Variants in NOTCH2 observed in about 807,000 individuals in gnomAD.
NOTCH2 encodes notch receptor 2, also known as neurogenic locus notch homolog protein 2.
In NOTCH2, 29 loss-of-function variants were observed where a neutral mutation model predicts 235.8. The ratio of observed to expected loss-of-function variants is 0.12; its 90% CI spans 0.09 to 0.17. The LOEUF is 0.17. Among genes scored for constraint, NOTCH2 ranks in the 10% least tolerant of loss-of-function variants. The pLI is 1.00. For synonymous variants in NOTCH2, 1,086 were observed against 1,141.5 expected (o/e 0.95, Z 0.98); for missense variants, 2,285 against 3,150.2 (o/e 0.73, Z 6.57).
chr1:119,918,629 G>A (rs1649168165), intron 31 of NOTCH2, 76 bp from the exon 32 acceptor site: 1 of 1,477,748 alleles, frequency 6.8e-7, no homozygotes, highest in Non-Finnish European at 9.4e-7. Flanking sequence ...AGAAACAAGG[G>A]CATCAGAGCT....
At chr1:119,925,918 C>T (rs1649458149) in intron 24 of NOTCH2, 108 bp from the exon 25 acceptor site, 30 of 1,305,196 alleles carry the variant, frequency 2.3e-5, no homozygotes, top group Non-Finnish European at 2.6e-5. Context: ...CTGTACTTCC[C>T]GTTCAGCCCA....
At chr1:119,952,619 A>C (rs587703951) in intron 14 of NOTCH2, among the ~76,000 whole-genome samples, 1 of 152,184 alleles carries the variant, frequency 6.6e-6, no homozygotes, top group Non-Finnish European at 1.5e-5. Flanking sequence ...TGACAGAGAC[A>C]GAGCTCAGGC....
intron 1 of NOTCH2, among the ~76,000 whole-genome samples, chr1:120,063,169 T>C (rs1655375427): frequency 6.6e-6 from 1 of 151,934 alleles, no homozygotes. Flanking sequence ...TCTTGCAGAT[T>C]GTTTTGTTCT....
chr1:120,023,381 G>T (rs1653710079), intron 2 of NOTCH2, among the ~76,000 whole-genome samples: 1 of 150,566 alleles, frequency 6.6e-6, no homozygotes, highest in East Asian at 2.0e-4. Context: ...AGCTTACAGT[G>T]AGCCAAGAAA....
rs1649373756 is a variant in NOTCH2 at position 119,923,891 on chromosome 1, A to G, written c.4605T>C (p.Ala1535=). 37 of 1,614,108 alleles carry G rather than the reference A, an allele frequency of 2.3e-5. No individual in the cohort carries two copies. The East Asian group carries it at 3.6e-4, about 16-fold the overall frequency. Residue 1535 remains alanine (A), a synonymous_variant, in exon 26 of 34, where the codon GCT becomes GCC. Transcript: ENST00000256646. ...EECGWDGLDC[A]ADQPENLAEG... is the part of the protein sequence containing the mutation. Reference sequence around the variant, plus strand: ...CTGCCAGGTTCTCAGGTTGGTCAGCAGCACAGTCCAGCCCATCCCAACCAC... The same window carrying G: ...CTGCCAGGTTCTCAGGTTGGTCAGCGGCACAGTCCAGCCCATCCCAACCAC...
chr1:119,998,685 T>TTTATTA (rs758113130), intron 3 of NOTCH2, among the ~76,000 whole-genome samples: 9 of 150,090 alleles, frequency 6.0e-5, no homozygotes, highest in East Asian at 3.9e-4. Flanking sequence ...TCCTTGAATT[T>TTTATTA]TTATTATTAT....
At chr1:119,943,092 G>C (rs1426499025) in intron 17 of NOTCH2, among the ~76,000 whole-genome samples, 1 of 152,016 alleles carries the variant, frequency 6.6e-6, no homozygotes, top group Non-Finnish European at 1.5e-5. Flanking sequence ...GGCTGGTCTT[G>C]AACTGTGTCT....
intron 17 of NOTCH2, 69 bp downstream of exon 17, chr1:119,948,345 T>A: frequency 1.3e-6 from 2 of 1,586,500 alleles, no homozygotes; most frequent in South Asian, 1.1e-5. Flanking sequence ...CAGCCTCCAC[T>A]GGGCTCTCCT....
At position 119,920,254 on chromosome 1, in the gene NOTCH2, C is replaced by T. The variant is rs150106219; in HGVS notation, c.5454G>A (p.Val1818=). Residue 1818 remains valine, a synonymous_variant, in exon 30 of 34, where the codon GTG becomes GTA. Transcript: ENST00000256646. ...TPPQAEQEVD[V]LDVNVRGPDG... is the part of the protein sequence containing the mutation. ...CTGGGCCACGGACATTCACATCTAACACATCCACCTCCTGCTCTGCCTGAG... is the reference window on the plus strand; with the variant it reads ...CTGGGCCACGGACATTCACATCTAATACATCCACCTCCTGCTCTGCCTGAG... The T allele has an allele frequency of 3.8e-5, 61 of 1,614,174 alleles. No homozygotes were observed. Among genetic ancestry groups the T allele is most frequent in the East Asian group, 2.5e-4 (11 of 44,882 alleles).
rs374627815 is a variant in NOTCH2, at chr1:119,998,781, C to T, written c.416-1449G>A. On this transcript the variant is annotated intron_variant, in intron 3 of 33. Transcript: ENST00000256646. ...TGTATATATGTGCCATGTTGGTGTG[C>T]TGCACCCATTAACTCGTCATTTACA... Among the ~76,000 whole-genome samples, 75 of 147,644 alleles carry T rather than the reference C, an allele frequency of 5.1e-4. No individual in the cohort carries two copies. The East Asian group carries it at 0.014, about 27-fold the overall frequency.
rs1650330279 is a variant in NOTCH2, at chr1:119,948,206, G to A, written c.2752+208C>T. Among the ~76,000 whole-genome samples the A allele has an allele frequency of 2.6e-5, 4 of 152,262 alleles. No individual in the cohort carries two copies. The South Asian group carries it at 8.3e-4, about 32-fold the overall frequency. On this transcript the variant is annotated intron_variant, in intron 17 of 33. Transcript: ENST00000256646. ...CATTTTCAATGTTCACAAATTAAAG[G>A]GAATGCTTAAAATATATTCCACTGC...
chr1:119,963,317 T>C (rs780799836), intron 11 of NOTCH2, among the ~76,000 whole-genome samples: 1 of 152,162 alleles, frequency 6.6e-6, no homozygotes, highest in African/African-American at 2.4e-5. Context: ...ATTTTTGAAG[T>C]GGTATGCCTC....
chr1:119,966,257 G>A (rs1651129714), intron 9 of NOTCH2, 119 bp downstream of exon 9: 1 of 775,312 alleles, frequency 1.3e-6, no homozygotes, highest in Admixed American at 1.8e-5. Context: ...CTATCACCAA[G>A]CACTTACTCT....
chr1:119,960,170 CA>C (rs1557822725), intron 11 of NOTCH2, among the ~76,000 whole-genome samples: 1 of 152,116 alleles, frequency 6.6e-6, no homozygotes, highest in African/African-American at 2.4e-5. Context: ...GTGAAAGCAG[CA>C]AACCTGTCAT....
In NOTCH2 at chr1:119,916,156, G is replaced by T; in HGVS notation, c.6566C>A (p.Pro2189His). 6.2e-7 allele frequency: 1 copy of T among 1,614,236 alleles called. No homozygotes were observed. The highest frequency in any genetic ancestry group is 8.5e-7 in the Non-Finnish European group (1 of 1,180,046). The stretch of plus-strand genomic sequence containing the variant: ...ATGCTGGGCATGGACTGGGGCAGGA[G>T]GGGCGGCAGTGGCCAACATAGGGTT... ...SPNPMLATAA[P>H]PAPVHAQHAL... The change falls in exon 34 of 34, where the codon CCT (proline) becomes CAT (histidine). Residue 2189 changes from proline to histidine, a missense_variant. Transcript: ENST00000256646.
At chr1:119,985,219 G>A (rs1455015110) in intron 5 of NOTCH2, among the ~76,000 whole-genome samples, 1 of 151,984 alleles carries the variant, frequency 6.6e-6, no homozygotes, top group African/African-American at 2.4e-5. Flanking sequence ...CAAAGAATTG[G>A]CATGAGTGAA....
At chr1:119,986,815 A>G in intron 5 of NOTCH2, 145 bp downstream of exon 5, 1 of 995,284 alleles carries the variant, frequency 1.0e-6, no homozygotes, top group South Asian at 1.4e-5. Flanking sequence ...ACAATAAGCA[A>G]TGATCTAGCA....
chr1:119,983,412 C>G (rs954510873), intron 5 of NOTCH2, among the ~76,000 whole-genome samples: 2 of 152,100 alleles, frequency 1.3e-5, no homozygotes, highest in African/African-American at 4.8e-5. Context: ...CTCAGTTTCC[C>G]AAAGTGCTGG....
chr1:119,965,492 T>C lies in NOTCH2; in HGVS notation c.1642A>G (p.Ile548Val), dbSNP rs1553199556. ...STPCLNGAKC[I>V]DHPNGYECQC... The stretch of plus-strand genomic sequence containing the variant: ...CATTCATAGCCATTCGGGTGATCGA[T>C]ACACTTTGCCCCATTCAGACACGGA... Residue 548 changes from isoleucine to valine, a missense_variant, in exon 10 of 34, where the codon ATC becomes GTC. By Grantham distance (29) the Ile-to-Val change is conservative (BLOSUM62 3). This residue lies in a region of NOTCH2 where 431 missense variants were observed against 757.8 expected (regional missense o/e 0.57). Coordinates refer to ENST00000256646, the MANE Select transcript of NOTCH2 (RefSeq NM_024408.4). 1 of 1,613,926 alleles carries C rather than the reference T, an allele frequency of 6.2e-7. No individual in the cohort carries two copies. The highest frequency in any genetic ancestry group is 8.5e-7 in the Non-Finnish European group (1 of 1,179,910).
Sources: allele counts gnomAD v4.1 joint callset (sites outside exome capture counted in the v4.1 genomes callset), GRCh38; gene constraint gnomAD v4.1.1; regional missense constraint gnomAD v4.1.1; transcripts MANE v1.5; gene names NCBI Gene and HGNC (gene_info 2026-07-23, HGNC 2026-07-21).